Variants in GCFC2 observed in about 807,000 individuals in gnomAD.
The protein encoded by GCFC2 is GC-rich sequence DNA-binding factor 2, also known as intron Large complex component GCFC2.
GCFC2 carries 102 observed loss-of-function variants against 99.4 expected under a neutral mutation model. That is an observed-to-expected ratio of 1.03 (90% CI 0.87 to 1.21). The LOEUF (loss-of-function observed/expected upper bound fraction) is 1.21. Among genes scored for constraint, GCFC2 ranks in the 50% most tolerant of loss-of-function variants. GCFC2 has a pLI of 0.00. For synonymous variants in GCFC2, 338 were observed against 316.8 expected (o/e 1.07, Z -0.71); for missense variants, 973 against 920.9 (o/e 1.06, Z -0.73).
intron 15 of GCFC2, among the ~76,000 whole-genome samples, chr2:75,666,507 G>C (rs1022000058): frequency 2.6e-5 from 4 of 152,134 alleles, no homozygotes; most frequent in Non-Finnish European, 1.5e-5. Flanking sequence ...TACAAAGAAT[G>C]AAAGATAAAT....
intron 11 of GCFC2, among the ~76,000 whole-genome samples, chr2:75,685,335 C>T (rs185113849): frequency 6.6e-6 from 1 of 152,328 alleles, no homozygotes; most frequent in Non-Finnish European, 1.5e-5. Flanking sequence ...TCTCTCTTCT[C>T]ACTTGTTCTT....
intron 15 of GCFC2, among the ~76,000 whole-genome samples, chr2:75,668,384 T>C (rs1401152243): frequency 6.6e-6 from 1 of 151,612 alleles, no homozygotes; most frequent in East Asian, 1.9e-4. Context: ...AACCAAATTG[T>C]AACTTTCAGT....
At chr2:75,671,765 ATTTG>A (rs1345491894) in intron 14 of GCFC2, among the ~76,000 whole-genome samples, 181 bp downstream of exon 14, 3 of 89,068 alleles carry the variant, frequency 3.4e-5, no homozygotes, top group Admixed American at 1.0e-4. Context: ...AGCCATGTTC[ATTTG>A]TTTATGTACT....
intron 15 of GCFC2, among the ~76,000 whole-genome samples, chr2:75,666,296 T>TATAGAA (rs1285056730): frequency 6.6e-6 from 1 of 152,228 alleles, no homozygotes; most frequent in Middle Eastern, 3.2e-3. Flanking sequence ...GTACTAGTAA[T>TATAGAA]TCTTTCTATA....
chr2:75,698,344 AGAAAG>A, intron 4 of GCFC2, among the ~76,000 whole-genome samples: 1 of 152,348 alleles, frequency 6.6e-6, no homozygotes, highest in South Asian at 2.1e-4. Flanking sequence ...TCTGAACAAA[AGAAAG>A]GAGAGGAGGA....
rs772226894 is a variant in GCFC2 at position 75,702,317 on chromosome 2, G to A, written c.501C>T (p.Ile167=). The change falls in exon 3 of 17, where the codon ATC becomes ATT. Residue 167 remains isoleucine (I), a synonymous_variant. Transcript: ENST00000321027. ...CTTCGCTCTCTCTCTTCATACCAGA[G>A]ATGGAGGAGGTATGTTGTACATCCA... ...ISLDVQHTSS[I]SGMKRESEDD... is the part of the protein sequence containing the mutation. 1.2e-6 allele frequency: 2 copies of A among 1,613,122 alleles called. No homozygotes were observed. The highest frequency in any genetic ancestry group is 2.7e-5 in the African/African-American group (2 of 74,912).
chr2:75,667,584 T>C (rs997326265), intron 15 of GCFC2, among the ~76,000 whole-genome samples: 1 of 152,240 alleles, frequency 6.6e-6, no homozygotes, highest in Admixed American at 6.5e-5. Context: ...AGTTTTGTTA[T>C]GTAAACTCTT....
At chr2:75,710,508 C>T (rs1681101503) in intron 1 of GCFC2, 83 bp downstream of exon 1, 6 of 1,407,380 alleles carry the variant, frequency 4.3e-6, no homozygotes, top group Non-Finnish European at 4.6e-6. Flanking sequence ...GTTATAGAAC[C>T]CCCAGAGAAG....
In GCFC2 at chr2:75,690,631, T is replaced by C. The variant is rs201848924; in HGVS notation, c.1226+7A>G. On this transcript the variant is annotated splice_region_variant and intron_variant, in intron 8 of 16. Coordinates refer to ENST00000321027, the MANE Select transcript of GCFC2 (RefSeq NM_003203.5). ...GCTTTCTTTAAATCTTCACTTTATA[T>C]AGGTACCTTCGAGATTCAATCTCTT... 69 of 1,319,756 alleles carry C rather than the reference T, an allele frequency of 5.2e-5. No homozygotes were observed. The East Asian group carries it at 1.5e-3, about 28-fold the overall frequency. 81.8% of individuals were successfully genotyped at this position (1,319,756 alleles called of 1,614,324 possible).
rs1347569142 is a variant in GCFC2 at position 75,690,630 on chromosome 2, A to G, written c.1226+8T>C. The G allele has an allele frequency of 7.7e-7, 1 of 1,297,342 alleles. No individual in the cohort carries two copies. Among genetic ancestry groups the G allele is most frequent in the East Asian group, 2.3e-5 (1 of 43,050 alleles). 80.4% of individuals were successfully genotyped at this position (1,297,342 alleles called of 1,614,324 possible). On this transcript the variant is annotated splice_region_variant and intron_variant, in intron 8 of 16. Coordinates refer to ENST00000321027, the MANE Select transcript of GCFC2 (RefSeq NM_003203.5). ...TGCTTTCTTTAAATCTTCACTTTAT[A>G]TAGGTACCTTCGAGATTCAATCTCT...
At chr2:75,674,380 C>T (rs1480799637) in intron 12 of GCFC2, among the ~76,000 whole-genome samples, 12 of 152,148 alleles carry the variant, frequency 7.9e-5, no homozygotes, top group Admixed American at 7.2e-4. Context: ...TCCAGTGAAT[C>T]TATCATAAAC....
intron 6 of GCFC2, among the ~76,000 whole-genome samples, chr2:75,693,053 T>C (rs752166396): frequency 1.2e-4 from 19 of 152,212 alleles, no homozygotes; most frequent in Non-Finnish European, 2.2e-4. Flanking sequence ...TTGTAATAAA[T>C]ACTTCAGAAA....
chr2:75,679,613 T>C (rs768152489), intron 12 of GCFC2, among the ~76,000 whole-genome samples: 22 of 152,228 alleles, frequency 1.4e-4, no homozygotes, highest in African/African-American at 5.3e-4. Flanking sequence ...TACAAATAAC[T>C]AGTTAATACA....
At chr2:75,680,655 G>C (rs73936785) in intron 11 of GCFC2, among the ~76,000 whole-genome samples, 4 of 151,904 alleles carry the variant, frequency 2.6e-5, no homozygotes, top group Admixed American at 6.6e-5. Flanking sequence ...CTGTCTCTCA[G>C]GTCCATTCAC....
intron 4 of GCFC2, among the ~76,000 whole-genome samples, chr2:75,699,514 G>T (rs1268113115): frequency 2.0e-5 from 3 of 152,138 alleles, no homozygotes; most frequent in Admixed American, 6.5e-5. Context: ...TTAACCCCAA[G>T]TACAGTACAT....
intron 1 of GCFC2, among the ~76,000 whole-genome samples, chr2:75,709,771 C>A (rs1234040326): frequency 6.6e-6 from 1 of 152,204 alleles, no homozygotes; most frequent in South Asian, 2.1e-4. Flanking sequence ...ACTGTAGACA[C>A]ATTTCAAACA....
At chr2:75,677,099 T>C (rs115307668) in intron 12 of GCFC2, among the ~76,000 whole-genome samples, 2 of 152,350 alleles carry the variant, frequency 1.3e-5, no homozygotes, top group African/African-American at 2.4e-5. Context: ...ACAATTTGCT[T>C]CAATAAACAA....
intron 11 of GCFC2, among the ~76,000 whole-genome samples, chr2:75,683,822 T>A (rs995670036): frequency 4.8e-5 from 7 of 145,090 alleles, no homozygotes; most frequent in Admixed American, 2.1e-4. Flanking sequence ...TGAGTTGCAG[T>A]CCTAGTCTCT....
intron 1 of GCFC2, 66 bp from the exon 2 acceptor site, chr2:75,706,717 T>C (rs1203859139): frequency 2.8e-6 from 3 of 1,065,654 alleles, no homozygotes. Flanking sequence ...ATTGAAATTC[T>C]GAACAACACA....
Sources: gnomAD v4.1 joint callset for allele counts (sites outside exome capture counted in the v4.1 genomes callset) on GRCh38, gnomAD v4.1.1 for gene constraint, MANE v1.5 for transcripts, NCBI Gene and HGNC (gene_info 2026-07-23, HGNC 2026-07-21) for gene names.